The following CYFIP1 variants were observed in gnomAD, a reference collection of about 807,000 sequenced individuals.
The protein encoded by CYFIP1 is cytoplasmic FMR1-interacting protein 1.
CYFIP1 carries 58 observed loss-of-function variants against 163.5 expected under a neutral mutation model. The observed-to-expected ratio is 0.35, with a 90% CI of 0.29 to 0.44. The LOEUF (loss-of-function observed/expected upper bound fraction) is 0.44. Ranked by LOEUF, CYFIP1 falls within the 20% of genes least tolerant of loss-of-function variation. CYFIP1 has a pLI of 1.00. For missense variants in CYFIP1, 1,338 were observed against 1,653.8 expected, an observed-to-expected ratio of 0.81 and a Z score of 3.31; for synonymous variants, 663 against 660.7, an observed-to-expected ratio of 1.00 and a Z score of -0.05.
intron 22 of CYFIP1, among the ~76,000 whole-genome samples, chr15:22,899,597 C>T (rs369655033): frequency 2.6e-5 from 4 of 152,110 alleles, no homozygotes; most frequent in Non-Finnish European, 5.9e-5. Flanking sequence ...TCTCACCTTC[C>T]GCCATGATTG....
intron 24 of CYFIP1, 59 bp from the exon 25 acceptor site, chr15:22,881,995 T>G (rs2059779291): frequency 6.8e-7 from 1 of 1,467,562 alleles, no homozygotes; most frequent in Non-Finnish European, 9.4e-7. Flanking sequence ...CTAACGCCTG[T>G]GGCCGGCGCA....
At chr15:22,951,292 T>TA (rs1190539158) in intron 1 of CYFIP1, 2 of 1,115,578 alleles carry the variant, frequency 1.8e-6, no homozygotes, top group Non-Finnish European at 2.2e-6. Context: ...ACTAGAAATC[T>TA]ACATGTAGCA....
chr15:22,953,105 C>T (rs555665150), intron 1 of CYFIP1, among the ~76,000 whole-genome samples: 1 of 152,348 alleles, frequency 6.6e-6, no homozygotes, highest in Admixed American at 6.5e-5. Context: ...TCCATAGATG[C>T]GAATCTGCAC....
At chr15:22,941,743 A>C (rs976325649) in intron 6 of CYFIP1, among the ~76,000 whole-genome samples, 1 of 152,158 alleles carries the variant, frequency 6.6e-6, no homozygotes, top group African/African-American at 2.4e-5. Flanking sequence ...AGCTTTGCAC[A>C]CAGCAGCCCC....
chr15:22,976,694 A>C (rs1432826655), intron 1 of CYFIP1, among the ~76,000 whole-genome samples: 1 of 151,262 alleles, frequency 6.6e-6, no homozygotes, highest in Non-Finnish European at 1.5e-5. Flanking sequence ...ACTGCGCCTA[A>C]TTTGTAAATT....
At chr15:22,954,893 C>CT (rs143402186) in intron 1 of CYFIP1, among the ~76,000 whole-genome samples, 1,614 of 152,336 alleles carry the variant, frequency 0.011, 12 homozygotes, top group Non-Finnish European at 0.018. Flanking sequence ...GGGTCAATCT[C>CT]TGAGTGTCTC....
At chr15:22,935,652 C>G (rs2061688698) in intron 9 of CYFIP1, among the ~76,000 whole-genome samples, 1 of 152,006 alleles carries the variant, frequency 6.6e-6, no homozygotes, top group Admixed American at 6.6e-5. Context: ...ATATACTGGT[C>G]AAAGCGTATA....
In CYFIP1 at chr15:22,919,505, C is replaced by T. The variant is rs1215609108; in HGVS notation, c.1360-647G>A. 3.9e-5 allele frequency among the ~76,000 whole-genome samples: 6 copies of T among 152,136 alleles called. No homozygotes were observed. The East Asian group carries it at 1.2e-3, about 29-fold the overall frequency. ...CTTTTGCCGTTTATAAATATTTCTA[C>T]AGCCAACTTCATGATAGCTATGTGA... On this transcript the variant is annotated intron_variant, in intron 13 of 30. Coordinates refer to ENST00000617928, the MANE Select transcript of CYFIP1 (RefSeq NM_014608.6).
chr15:22,922,041 G>C (rs1473724412), intron 13 of CYFIP1, among the ~76,000 whole-genome samples: 1 of 152,000 alleles, frequency 6.6e-6, no homozygotes, highest in Admixed American at 6.6e-5. Flanking sequence ...CCTTGTGCAG[G>C]AAAGGGTTAA....
intron 11 of CYFIP1, among the ~76,000 whole-genome samples, chr15:22,930,346 A>C (rs1242006142): frequency 6.9e-6 from 1 of 145,182 alleles, no homozygotes; most frequent in Non-Finnish European, 1.5e-5. Flanking sequence ...AGATTGCACC[A>C]CTGCACTCCA....
Position 22,946,702 on chromosome 15 carries a change from C to T in CYFIP1, c.207+301G>A, listed in dbSNP as rs145302688. 185 of 546,186 alleles carry T rather than the reference C, an allele frequency of 3.4e-4. 1 individual carries two copies. The highest frequency in any genetic ancestry group is 3.2e-3 in the African/African-American group (166 of 52,680). 33.8% of individuals were successfully genotyped at this position (546,186 alleles called of 1,614,324 possible). On this transcript the variant is annotated intron_variant, in intron 3 of 30. Coordinates refer to ENST00000617928, the MANE Select transcript of CYFIP1 (RefSeq NM_014608.6). The stretch of plus-strand genomic sequence containing the variant: ...TTTATAAATCTAAATCTCATATGGG[C>T]ACATACCTGGTGTGTGTGGGTGCAG...
At chr15:22,950,406 G>A (rs184830469) in intron 1 of CYFIP1, among the ~76,000 whole-genome samples, 1 of 152,234 alleles carries the variant, frequency 6.6e-6, no homozygotes, top group East Asian at 1.9e-4. Flanking sequence ...AGAGAGAGAA[G>A]GAAGGGGTCA....
At chr15:22,928,200 T>C (rs2061419222) in intron 11 of CYFIP1, among the ~76,000 whole-genome samples, 172 bp from the exon 12 acceptor site, 1 of 151,880 alleles carries the variant, frequency 6.6e-6, no homozygotes, top group South Asian at 2.1e-4. Context: ...CCTAAAACGG[T>C]GAAACCCCGT....
chr15:22,892,914 C>T lies in CYFIP1; in HGVS notation c.2652G>A (p.Gln884=). The stretch of plus-strand genomic sequence containing the variant: ...CCTTGGATCCATGCAGATACTGAGG[C>T]TGTGCATTAGGCTGCTTATCTCTTT... The part of the protein sequence containing the change: ...EFQRDKQPNA[Q]PQYLHGSKAL... Residue 884 remains glutamine, a synonymous_variant, in exon 23 of 31, where the codon CAG becomes CAA. Coordinates refer to ENST00000617928, the MANE Select transcript of CYFIP1 (RefSeq NM_014608.6). 2 of 1,613,292 alleles carry T rather than the reference C, an allele frequency of 1.2e-6. No individual in the cohort carries two copies. Among genetic ancestry groups the T allele is most frequent in the Non-Finnish European group, 1.7e-6 (2 of 1,179,276 alleles).
At chr15:22,905,255 A>G (rs1281079030) in intron 21 of CYFIP1, 3 of 152,132 alleles carry the variant, frequency 2.0e-5, no homozygotes, top group Admixed American at 2.0e-4. Context: ...TACCAAATAC[A>G]TGATGTATGC....
chr15:22,908,518 CTTTTTTTTTTTTTTTT>C (rs58565266), intron 21 of CYFIP1, among the ~76,000 whole-genome samples: 2 of 75,480 alleles, frequency 2.6e-5, no homozygotes, highest in Non-Finnish European at 4.7e-5. Context: ...GAAGATATTT[CTTTTTTTTTTTTTTTT>C]TTTTTTTTTT....
chr15:22,895,370 C>T (rs934710436), intron 22 of CYFIP1, among the ~76,000 whole-genome samples: 1 of 152,130 alleles, frequency 6.6e-6, no homozygotes, highest in Non-Finnish European at 1.5e-5. Flanking sequence ...AGGCTGGTCT[C>T]GAACTCCTGG....
chr15:22,918,587 A>C, intron 14 of CYFIP1, 105 bp downstream of exon 14: 1 of 1,077,536 alleles, frequency 9.3e-7, no homozygotes, highest in Non-Finnish European at 1.3e-6. Flanking sequence ...GTTGAAGATA[A>C]ATATATTGAA....
At chr15:22,940,932 C>T (rs573581984) in intron 6 of CYFIP1, among the ~76,000 whole-genome samples, 3 of 152,212 alleles carry the variant, frequency 2.0e-5, no homozygotes, top group East Asian at 3.9e-4. Context: ...CCCAACTACT[C>T]GGGAGGCTGA....
Sources: gnomAD v4.1 joint callset for allele counts (sites outside exome capture counted in the v4.1 genomes callset) on GRCh38, gnomAD v4.1.1 for gene constraint, MANE v1.5 for transcripts, NCBI Gene and HGNC (gene_info 2026-07-23, HGNC 2026-07-21) for gene names.